CACNA1B: variants seen among roughly 807,000 people sequenced by gnomAD.
CACNA1B encodes the protein calcium voltage-gated channel subunit alpha1 B, also known as voltage-dependent N-type calcium channel subunit alpha-1B.
Under a neutral mutation model 247.2 loss-of-function variants are expected in CACNA1B, and 70 were observed. That is an observed-to-expected ratio of 0.28 (90% CI 0.23 to 0.35). The LOEUF is 0.35. CACNA1B is among the 10% of genes least tolerant of loss of function. CACNA1B has a pLI of 1.00. For missense variants in CACNA1B, 2,367 were observed against 3,197.4 expected, an observed-to-expected ratio of 0.74 and a Z score of 6.26; for synonymous variants, 1,231 against 1,294.4, an observed-to-expected ratio of 0.95 and a Z score of 1.05.
chr9:138,089,888 C>G (rs1960821513), intron 36 of CACNA1B, among the ~76,000 whole-genome samples: 1 of 151,960 alleles, frequency 6.6e-6, no homozygotes, highest in Non-Finnish European at 1.5e-5. Context: ...AAAGAAATAA[C>G]TAAGGAAGTG....
intron 6 of CACNA1B, among the ~76,000 whole-genome samples, chr9:137,951,037 G>T (rs1957871988): frequency 6.6e-6 from 1 of 152,212 alleles, no homozygotes; most frequent in African/African-American, 2.4e-5. Flanking sequence ...AGGGGCTGAG[G>T]CTACAGCAGC....
At chr9:138,040,028 A>G (rs920057737) in intron 20 of CACNA1B, among the ~76,000 whole-genome samples, 3 of 152,136 alleles carry the variant, frequency 2.0e-5, no homozygotes, top group African/African-American at 7.2e-5. Context: ...CGTAGCCATC[A>G]CCTGGGCTCA....
At chr9:137,900,779 G>T (rs1348870241) in intron 3 of CACNA1B, among the ~76,000 whole-genome samples, 2 of 148,096 alleles carry the variant, frequency 1.4e-5, no homozygotes, top group Non-Finnish European at 3.0e-5. Flanking sequence ...GTGTGTCCCT[G>T]TGTCCTTGTG....
chr9:137,892,339 G>A (rs1485484045), intron 3 of CACNA1B: 3 of 456,662 alleles, frequency 6.6e-6, no homozygotes, highest in Non-Finnish European at 1.3e-5. Context: ...TTCTTGTGGT[G>A]GGCGGTGCTG....
intron 3 of CACNA1B, among the ~76,000 whole-genome samples, chr9:137,908,432 C>T (rs1352207221): frequency 6.6e-6 from 1 of 151,804 alleles, no homozygotes; most frequent in African/African-American, 2.4e-5. Context: ...AGGAGAATCG[C>T]TTGAACCCAG....
rs559809459 is a variant in CACNA1B, at chr9:137,952,330, C to A, written c.1023C>A (p.Ile341=). 2 of 1,613,800 alleles carry A rather than the reference C, an allele frequency of 1.2e-6. No individual in the cohort carries two copies. Among genetic ancestry groups the A allele is most frequent in the Admixed American group, 1.7e-5 (1 of 60,006 alleles). ...GGCTCTACTTCATCCCTCTCATCAT[C>A]ATCGGCTCCTTCTTCATGCTCAACC... is the stretch of plus-strand genomic sequence containing the variant. The part of the protein sequence containing the change: ...WNWLYFIPLI[I]IGSFFMLNLV... Residue 341 remains isoleucine (I), a synonymous_variant, in exon 7 of 47, where the codon ATC becomes ATA. Coordinates refer to ENST00000371372, the MANE Select transcript of CACNA1B (RefSeq NM_000718.4). This position sits in a 1 kb window ranked among gnomAD's most constrained non-coding sequence, Gnocchi z 4.8.
In CACNA1B at chr9:137,956,764, C is replaced by T. The variant is rs764133212; in HGVS notation, c.1187-7C>T. On this transcript the variant is annotated splice_region_variant and splice_polypyrimidine_tract_variant and intron_variant, in intron 8 of 46. Transcript: ENST00000371372. ...GGCTCTGACCTGAGGCTGTGTTCCC[C>T]TCGCAGAGGAAGTCATGCTGGCCGA... 2 of 1,613,532 alleles carry T rather than the reference C, an allele frequency of 1.2e-6. No individual in the cohort carries two copies. The highest frequency in any genetic ancestry group is 1.7e-6 in the Non-Finnish European group (2 of 1,179,604).
intron 12 of CACNA1B, among the ~76,000 whole-genome samples, chr9:137,980,722 T>A (rs117449483): frequency 6.6e-6 from 1 of 152,348 alleles, no homozygotes; most frequent in East Asian, 1.9e-4. Flanking sequence ...TGTCCATGTG[T>A]ATCCTTGTTT....
intron 3 of CACNA1B, among the ~76,000 whole-genome samples, chr9:137,904,898 C>G (rs1376168198): frequency 2.0e-5 from 3 of 152,102 alleles, no homozygotes; most frequent in Non-Finnish European, 4.4e-5. Flanking sequence ...GGTGATACTT[C>G]TTATTTTGTT....
intron 36 of CACNA1B, among the ~76,000 whole-genome samples, chr9:138,085,408 A>G (rs1225051228): frequency 6.6e-6 from 1 of 151,132 alleles, no homozygotes; most frequent in African/African-American, 2.4e-5. Flanking sequence ...TAAGCAAAAA[A>G]ATATTTTATG....
At chr9:137,901,089 G>T (rs968466285) in intron 3 of CACNA1B, among the ~76,000 whole-genome samples, 8 of 148,216 alleles carry the variant, frequency 5.4e-5, no homozygotes, top group African/African-American at 1.0e-4. Context: ...CCCTGTGTCT[G>T]TGTCTGTGTG....
chr9:138,022,439 C>T (rs1167036423), intron 18 of CACNA1B, among the ~76,000 whole-genome samples: 1 of 152,144 alleles, frequency 6.6e-6, no homozygotes, highest in East Asian at 1.9e-4. Context: ...AGCAACTGCC[C>T]TCTGGGTTCC....
rs1324762774 is a variant in CACNA1B at position 138,114,984 on chromosome 9, T to C, written c.5649+494T>C. Among the ~76,000 whole-genome samples, 15 of 152,326 alleles carry C rather than the reference T, an allele frequency of 9.8e-5. No homozygotes were observed. The Middle Eastern group carries it at 0.01, about 104-fold the overall frequency. ...CACAGCCGTGTCTTCGGTGACCATA[T>C]GTAGTCTGTCTGCTGGAAAATTGTC... On this transcript the variant is annotated intron_variant, in intron 41 of 46. Transcript: ENST00000371372.
intron 36 of CACNA1B, among the ~76,000 whole-genome samples, chr9:138,078,515 C>T (rs1960406668): frequency 6.6e-6 from 1 of 152,234 alleles, no homozygotes; most frequent in African/African-American, 2.4e-5. Flanking sequence ...TGTTCCTTAA[C>T]TTCCAGCTTC....
At chr9:137,896,127 T>C (rs937486063) in intron 3 of CACNA1B, among the ~76,000 whole-genome samples, 1 of 151,504 alleles carries the variant, frequency 6.6e-6, no homozygotes. Flanking sequence ...TAGTCCCACC[T>C]ACTCGGGAGG....
In CACNA1B at chr9:138,007,706, G is replaced by A. The variant is rs979215706; in HGVS notation, c.2092+822G>A. On this transcript the variant is annotated intron_variant, in intron 16 of 46. Coordinates refer to ENST00000371372, the MANE Select transcript of CACNA1B (RefSeq NM_000718.4). This position sits in a 1 kb window ranked among gnomAD's most constrained non-coding sequence, Gnocchi z 4.1. The stretch of plus-strand genomic sequence containing the variant: ...TTCTCACAGGCTGCAGGGGGAGCCC[G>A]TGTTTCTGTTCTGGGGACCCCACTT... 2.0e-4 allele frequency among the ~76,000 whole-genome samples: 30 copies of A among 152,150 alleles called. No individual in the cohort carries two copies. Among genetic ancestry groups the A allele is most frequent in the Non-Finnish European group, 8.8e-5 (6 of 68,020 alleles).
intron 6 of CACNA1B, among the ~76,000 whole-genome samples, chr9:137,947,079 C>G (rs776544759): frequency 6.6e-6 from 1 of 152,174 alleles, no homozygotes; most frequent in Non-Finnish European, 1.5e-5. Flanking sequence ...TAACTACTCT[C>G]TAGAGGTTTC....
intron 6 of CACNA1B, among the ~76,000 whole-genome samples, chr9:137,936,506 G>A (rs995966960): frequency 2.4e-4 from 36 of 152,084 alleles, no homozygotes; most frequent in Admixed American, 7.2e-4. Context: ...CATCTATTTC[G>A]GCTTTTGTTG....
chr9:138,001,476 T>A (rs1298122804), intron 15 of CACNA1B, among the ~76,000 whole-genome samples: 1 of 152,154 alleles, frequency 6.6e-6, no homozygotes, highest in Non-Finnish European at 1.5e-5. Flanking sequence ...ATGCTGTTAT[T>A]TAAAAGAGAC....
Sources: gnomAD v4.1 joint callset for allele counts (sites outside exome capture counted in the v4.1 genomes callset) on GRCh38, gnomAD v4.1.1 for gene constraint, Gnocchi (gnomAD v3.1) non-coding constraint, MANE v1.5 for transcripts, NCBI Gene and HGNC (gene_info 2026-07-23, HGNC 2026-07-21) for gene names.